DLEU7: variants seen among roughly 807,000 people sequenced by gnomAD.
The protein encoded by DLEU7 is deleted in lymphocytic leukemia 7, also known as leukemia-associated protein 7.
Under a neutral mutation model 16.0 loss-of-function variants are expected in DLEU7, and 17 were observed. The observed-to-expected ratio is 1.06, with a 90% CI of 0.73 to 1.59. DLEU7 has a LOEUF of 1.59. Among genes scored for constraint, DLEU7 ranks in the 40% most tolerant of loss-of-function variants. DLEU7 has a pLI of 0.00. For synonymous variants in DLEU7, 113 were observed against 139.8 expected, an observed-to-expected ratio of 0.81 and a Z score of 1.35; for missense variants, 308 against 314.9, an observed-to-expected ratio of 0.98 and a Z score of 0.17.
chr13:50,735,256 C>T (rs142302514), intron 1 of DLEU7, among the ~76,000 whole-genome samples: 17 of 152,066 alleles, frequency 1.1e-4, no homozygotes, highest in South Asian at 2.1e-4. Flanking sequence ...GACAAGAATT[C>T]AGTAAAGACA....
chr13:50,729,443 C>CCCATACA (rs1873858440), intron 1 of DLEU7, among the ~76,000 whole-genome samples: 1 of 152,084 alleles, frequency 6.6e-6, no homozygotes, highest in African/African-American at 2.4e-5. Context: ...TGATGGGCAC[C>CCCATACA]TAGGGTGACC....
In DLEU7 at chr13:50,762,116, G is replaced by A. The variant is rs557420461; in HGVS notation, c.460-48876C>T. 9.4e-5 allele frequency among the ~76,000 whole-genome samples: 14 copies of A among 149,566 alleles called. No individual in the cohort carries two copies. In the South Asian group the frequency reaches 1.5e-3, roughly 16 times the overall value. On this transcript the variant is annotated intron_variant, in intron 1 of 1. Coordinates refer to the DLEU7 transcript ENST00000400393. ...CTGAGGCAGAGAATTGCTTGAGCCC[G>A]GGAGGCGGAGGTTGCAGTGAGCCAA...
chr13:50,714,746 G>A (rs1873391962), intron 1 of DLEU7, among the ~76,000 whole-genome samples: 1 of 152,134 alleles, frequency 6.6e-6, no homozygotes, highest in East Asian at 1.9e-4. Flanking sequence ...AATAAGAGGG[G>A]GCCTTCAGAG....
intron 1 of DLEU7, among the ~76,000 whole-genome samples, chr13:50,825,122 T>A (rs527539740): frequency 2.0e-5 from 3 of 152,090 alleles, no homozygotes; most frequent in Admixed American, 2.0e-4. Flanking sequence ...GAGATGATAA[T>A]TTTTTTTAGT....
rs1325848162 is a variant in DLEU7, at chr13:50,782,786, A to AC, written c.459+60401_459+60402insG. Among the ~76,000 whole-genome samples, 3 of 152,158 alleles carry AC rather than the reference A, an allele frequency of 2.0e-5. No individual in the cohort carries two copies. In the East Asian group the frequency reaches 5.8e-4, roughly 29 times the overall value. Reference sequence around the variant, plus strand: ...TACACTGTCTACAGAAAAAAAAAAAAAAAACTCTTCAGGATAACTTCTAAT... The same window carrying AC: ...TACACTGTCTACAGAAAAAAAAAAAACAAAACTCTTCAGGATAACTTCTAAT... On this transcript the variant is annotated intron_variant, in intron 1 of 1. Coordinates refer to the DLEU7 transcript ENST00000400393.
At chr13:50,743,876 T>C (rs1428123039) in intron 1 of DLEU7, among the ~76,000 whole-genome samples, 1 of 152,188 alleles carries the variant, frequency 6.6e-6, no homozygotes, top group East Asian at 1.9e-4. Context: ...AAGTTAAAAG[T>C]GCTTTGGTGG....
chr13:50,721,913 T>C (rs1309674122), intron 1 of DLEU7, among the ~76,000 whole-genome samples: 1 of 152,204 alleles, frequency 6.6e-6, no homozygotes, highest in Non-Finnish European at 1.5e-5. Flanking sequence ...CTGCAAAGGC[T>C]GAAAATATAA....
At chr13:50,822,890 C>G, downstream of DLEU7, 1 of 988,552 alleles carries the variant, frequency 1.0e-6, no homozygotes, top group Non-Finnish European at 1.2e-6. Flanking sequence ...TATCAAATAT[C>G]TCATTCATTC....
chr13:50,763,500 A>G (rs1400129589), intron 1 of DLEU7, among the ~76,000 whole-genome samples: 1 of 152,168 alleles, frequency 6.6e-6, no homozygotes, highest in African/African-American at 2.4e-5. Context: ...CATAGAAAGA[A>G]AAGTGCAAGA....
At chr13:50,827,890 T>C (rs985322577) in intron 1 of DLEU7, among the ~76,000 whole-genome samples, 2 of 152,138 alleles carry the variant, frequency 1.3e-5, no homozygotes, top group African/African-American at 4.8e-5. Context: ...TATATGCTGT[T>C]TACAAGAAAC....
chr13:50,752,966 C>T (rs113698030), intron 1 of DLEU7, among the ~76,000 whole-genome samples: 4,973 of 152,180 alleles, frequency 0.033, 168 homozygotes, highest in African/African-American at 0.088. Flanking sequence ...TGATTGGTGC[C>T]TTTACAATCC....
At chr13:50,815,536 A>G (rs1359353584) in intron 1 of DLEU7, among the ~76,000 whole-genome samples, 19 of 152,118 alleles carry the variant, frequency 1.2e-4, no homozygotes, top group Admixed American at 1.2e-3. Flanking sequence ...TCAACTATTG[A>G]GCAGGTTCAT....
intron 1 of DLEU7, chr13:50,812,891 C>G (rs1366737817): frequency 8.5e-6 from 1 of 117,286 alleles, no homozygotes; most frequent in Non-Finnish European, 1.9e-5. Context: ...AAAAAAACCT[C>G]TAAAAATTAA....
intron 1 of DLEU7, among the ~76,000 whole-genome samples, chr13:50,770,746 G>A (rs1875278620): frequency 6.6e-6 from 1 of 152,058 alleles, no homozygotes; most frequent in Non-Finnish European, 1.5e-5. Flanking sequence ...TTTTTGTTGT[G>A]TCTCTGCCTG....
chr13:50,836,254 C>T (rs1235108041), intron 1 of DLEU7, among the ~76,000 whole-genome samples: 2 of 152,102 alleles, frequency 1.3e-5, no homozygotes, highest in Admixed American at 6.6e-5. Context: ...CTCCCTGAAG[C>T]CTTCATGTCC....
chr13:50,793,481 G>C (rs1192786222), intron 1 of DLEU7, among the ~76,000 whole-genome samples: 4 of 152,152 alleles, frequency 2.6e-5, no homozygotes, highest in African/African-American at 9.7e-5. Context: ...CAGTGTATTA[G>C]GGTTCCCTTT....
intron 1 of DLEU7, among the ~76,000 whole-genome samples, chr13:50,830,252 C>T (rs1166630317): frequency 1.3e-5 from 2 of 152,238 alleles, no homozygotes; most frequent in African/African-American, 4.8e-5. Flanking sequence ...GAGATACTCT[C>T]ATGTAACTCA....
intron 1 of DLEU7, among the ~76,000 whole-genome samples, chr13:50,804,882 ATATT>A (rs150173963): frequency 0.18 from 26,904 of 152,036 alleles, 4,213 homozygotes; most frequent in African/African-American, 0.41. Context: ...ATGATTGTAT[ATATT>A]TACTTTATAA....
chr13:50,802,337 A>G (rs1876276005), intron 1 of DLEU7, among the ~76,000 whole-genome samples: 1 of 152,094 alleles, frequency 6.6e-6, no homozygotes, highest in African/African-American at 2.4e-5. Context: ...AATACCTCCC[A>G]TTTGGTTCCA....
Sources: allele counts gnomAD v4.1 joint callset (sites outside exome capture counted in the v4.1 genomes callset), GRCh38; gene constraint gnomAD v4.1.1; transcripts MANE v1.5; gene names NCBI Gene and HGNC (gene_info 2026-07-23, HGNC 2026-07-21).